The following ANKRD33B variants were observed in gnomAD, a reference collection of about 807,000 sequenced individuals.
The protein encoded by ANKRD33B is ankyrin repeat domain-containing protein 33B.
In ANKRD33B, 6 loss-of-function variants were observed where a neutral mutation model predicts 21.5. That is an observed-to-expected ratio of 0.28 (90% CI 0.15 to 0.55). The LOEUF (loss-of-function observed/expected upper bound fraction) is 0.55. Among genes scored for constraint, ANKRD33B ranks in the 20% least tolerant of loss-of-function variants. The pLI is 0.94. For missense variants in ANKRD33B, 698 were observed against 747.2 expected, an observed-to-expected ratio of 0.93 and a Z score of 0.77; for synonymous variants, 347 against 342.4, an observed-to-expected ratio of 1.01 and a Z score of -0.15.
chr5:10,635,633 CGAGCTTGCTCCTCAG>C (rs1560983024), intron 2 of ANKRD33B, among the ~76,000 whole-genome samples: 1 of 152,204 alleles, frequency 6.6e-6, no homozygotes, highest in Non-Finnish European at 1.5e-5. Context: ...AGGTCAATGG[CGAGCTTGCTCCTCAG>C]GAGAGTTCAC....
At chr5:10,592,635 A>G (rs896184283) in intron 1 of ANKRD33B, among the ~76,000 whole-genome samples, 14 of 151,226 alleles carry the variant, frequency 9.3e-5, no homozygotes, top group Admixed American at 4.6e-4. Context: ...AAAAAAAAAA[A>G]AAGAAGAAGA....
intron 2 of ANKRD33B, chr5:10,624,583 T>A (rs1736501743): frequency 2.7e-6 from 1 of 371,964 alleles, no homozygotes; most frequent in African/African-American, 2.1e-5. Context: ...TGGGACTGAA[T>A]TGTTGAGGTT....
At position 10,637,821 on chromosome 5, in the gene ANKRD33B, G is replaced by C. The variant is rs1198382696; in HGVS notation, c.497-207G>C. Among the ~76,000 whole-genome samples, 3 of 152,126 alleles carry C rather than the reference G, an allele frequency of 2.0e-5. No homozygotes were observed. In the East Asian group the frequency reaches 5.8e-4, roughly 29 times the overall value. On this transcript the variant is annotated intron_variant, in intron 2 of 3. Coordinates refer to ENST00000296657, the MANE Select transcript of ANKRD33B (RefSeq NM_001164440.2). ...GGACCTGCAAGAACCCAAAACAGCA[G>C]CGCTGCAGCCAGGGCGGTGCCTTCT...
intron 1 of ANKRD33B, among the ~76,000 whole-genome samples, chr5:10,579,848 A>G (rs925621228): frequency 3.9e-5 from 6 of 152,234 alleles, no homozygotes; most frequent in Admixed American, 6.5e-5. Context: ...TTCACATACC[A>G]TACAATTTAA....
At chr5:10,600,428 G>T (rs752986512) in intron 1 of ANKRD33B, among the ~76,000 whole-genome samples, 1 of 152,138 alleles carries the variant, frequency 6.6e-6, no homozygotes, top group Non-Finnish European at 1.5e-5. Context: ...GCACTTTTTG[G>T]TGTCTGGCAT....
intron 1 of ANKRD33B, among the ~76,000 whole-genome samples, chr5:10,589,126 C>G (rs1414059160): frequency 6.6e-6 from 1 of 152,156 alleles, no homozygotes; most frequent in African/African-American, 2.4e-5. Context: ...AGTTCCTGTG[C>G]TGAGTCTCGT....
chr5:10,652,748 GC>G lies in ANKRD33B; in HGVS notation c.*2640del. On this transcript the variant is annotated 3_prime_UTR_variant, in exon 4 of 4. Transcript: ENST00000296657. This position sits in a 1 kb window ranked among gnomAD's most constrained non-coding sequence, Gnocchi z 4.1. ...TCTGGAGTGGACGTGTTGCGGCCCT[GC>G]CCCCGATGTGTTCCAGCCTCATCCA... 4.8e-6 allele frequency: 1 copy of G among 209,180 alleles called. No homozygotes were observed. Among genetic ancestry groups the G allele is most frequent in the Non-Finnish European group, 1.0e-5 (1 of 97,180 alleles). The allele number at this position is 209,180 out of a possible 1,614,324, so 13.0% of individuals were successfully genotyped here.
chr5:10,645,161 A>G (rs1737164581), intron 3 of ANKRD33B, among the ~76,000 whole-genome samples: 1 of 152,196 alleles, frequency 6.6e-6, no homozygotes, highest in Non-Finnish European at 1.5e-5. Context: ...CAGATTTGTC[A>G]TCCCGATTAT....
At position 10,646,617 on chromosome 5, in the gene ANKRD33B, T is replaced by C. The variant is rs902435400; in HGVS notation, c.638-2649T>C. On this transcript the variant is annotated intron_variant, in intron 3 of 3. Coordinates refer to ENST00000296657, the MANE Select transcript of ANKRD33B (RefSeq NM_001164440.2). ...CTCTTTCAGGCAGTGTTCATTAAGA[T>C]TTTAATTTTATAGTTTGTTCCTTTT... Among the ~76,000 whole-genome samples the C allele has an allele frequency of 2.0e-5, 3 of 152,250 alleles. No individual in the cohort carries two copies. The East Asian group carries it at 5.8e-4, about 29-fold the overall frequency.
intron 1 of ANKRD33B, among the ~76,000 whole-genome samples, chr5:10,590,409 C>T (rs1735655601): frequency 6.6e-6 from 1 of 152,146 alleles, no homozygotes; most frequent in South Asian, 2.1e-4. Context: ...TCTGGCCTGT[C>T]TTGTAGGATA....
intron 3 of ANKRD33B, among the ~76,000 whole-genome samples, chr5:10,644,075 A>G (rs1737136242): frequency 6.6e-6 from 1 of 151,960 alleles, no homozygotes; most frequent in South Asian, 2.1e-4. Flanking sequence ...AGATGTTGAT[A>G]TATTTCTAAA....
chr5:10,618,769 T>G (rs1435838925), intron 2 of ANKRD33B, among the ~76,000 whole-genome samples: 1 of 152,132 alleles, frequency 6.6e-6, no homozygotes, highest in African/African-American at 2.4e-5. Flanking sequence ...TCCCGAAGAC[T>G]GGGGGTGGCA....
At chr5:10,628,165 T>C (rs1019850863) in intron 2 of ANKRD33B, 1 of 152,396 alleles carries the variant, frequency 6.6e-6, no homozygotes, top group Non-Finnish European at 1.5e-5. Flanking sequence ...TTTCCAATTT[T>C]TAGAGCAGTT....
At chr5:10,565,736 T>A (rs1478032571) in intron 1 of ANKRD33B, among the ~76,000 whole-genome samples, 1 of 152,252 alleles carries the variant, frequency 6.6e-6, no homozygotes, top group East Asian at 1.9e-4. Context: ...AAGGGAAAAC[T>A]GCAGAGTGAC....
chr5:10,632,804 T>C (rs932639544), intron 2 of ANKRD33B, among the ~76,000 whole-genome samples: 6 of 152,366 alleles, frequency 3.9e-5, no homozygotes, highest in Non-Finnish European at 7.3e-5. Flanking sequence ...TGTATTTATT[T>C]TGAGACAGTG....
chr5:10,635,445 A>G (rs901000711), intron 2 of ANKRD33B, among the ~76,000 whole-genome samples: 2 of 152,280 alleles, frequency 1.3e-5, no homozygotes, highest in East Asian at 1.9e-4. Flanking sequence ...AGGGAGAGCA[A>G]TGTGGTGTAA....
intron 2 of ANKRD33B, among the ~76,000 whole-genome samples, chr5:10,637,757 G>A (rs1736905759): frequency 6.6e-6 from 1 of 152,038 alleles, no homozygotes; most frequent in Non-Finnish European, 1.5e-5. Flanking sequence ...CCCCAGTAGT[G>A]TAATGGGACA....
At chr5:10,572,326 G>A (rs148576311) in intron 1 of ANKRD33B, among the ~76,000 whole-genome samples, 7 of 152,268 alleles carry the variant, frequency 4.6e-5, no homozygotes, top group African/African-American at 1.4e-4. Flanking sequence ...GAACTTGTTA[G>A]GAGTGCAGAA....
chr5:10,600,744 C>G (rs748625173), intron 1 of ANKRD33B, among the ~76,000 whole-genome samples: 16 of 152,062 alleles, frequency 1.1e-4, no homozygotes, highest in Non-Finnish European at 1.5e-4. Context: ...TGCCAGTTTC[C>G]CAGTGTGGTT....
Sources: gnomAD v4.1 joint callset for allele counts (sites outside exome capture counted in the v4.1 genomes callset) on GRCh38, gnomAD v4.1.1 for gene constraint, Gnocchi (gnomAD v3.1) non-coding constraint, MANE v1.5 for transcripts, NCBI Gene and HGNC (gene_info 2026-07-23, HGNC 2026-07-21) for gene names.